The following CABLES1 variants were observed in gnomAD, a reference collection of about 807,000 sequenced individuals.
CABLES1 encodes the protein CDK5 and ABL1 enzyme substrate 1.
In CABLES1, 36 loss-of-function variants were observed where a neutral mutation model predicts 57.8. The observed-to-expected ratio is 0.62, with a 90% CI of 0.48 to 0.82. The LOEUF (loss-of-function observed/expected upper bound fraction) is 0.82. Among genes scored for constraint, CABLES1 ranks in the 40% least tolerant of loss-of-function variants. The probability of loss-of-function intolerance (pLI) is 0.00; values close to 1 mark genes in which losing one functional copy is unlikely to be tolerated. For synonymous variants in CABLES1, 374 were observed against 363.0 expected (o/e 1.03, Z -0.35); for missense variants, 767 against 836.6 (o/e 0.92, Z 1.03).
At chr18:23,212,315 T>TCTG (rs1284307081) in intron 3 of CABLES1, among the ~76,000 whole-genome samples, 1 of 152,246 alleles carries the variant, frequency 6.6e-6, no homozygotes, top group African/African-American at 2.4e-5. Flanking sequence ...TCATGTACTC[T>TCTG]TACAGCATTC....
chr18:23,253,103 C>A (rs1386397501), intron 8 of CABLES1, 37 bp downstream of exon 8: 1 of 1,160,792 alleles, frequency 8.6e-7, no homozygotes, highest in Non-Finnish European at 1.3e-6. Flanking sequence ...CCTTTCCCTG[C>A]AAACCCCTCT....
chr18:23,243,052 C>T lies in CABLES1; in HGVS notation c.1446+5807C>T, dbSNP rs970445620. ...ATATAGATAAGTTATAATTTAATAA[C>T]ATACTCATATATTTATTATAATTTA... On this transcript the variant is annotated intron_variant, in intron 7 of 9. Coordinates refer to ENST00000256925, the MANE Select transcript of CABLES1 (RefSeq NM_001100619.3). 2.0e-5 allele frequency among the ~76,000 whole-genome samples: 3 copies of T among 150,040 alleles called. No homozygotes were observed. In the Admixed American group the frequency reaches 2.0e-4, roughly 10 times the overall value.
intron 4 of CABLES1, among the ~76,000 whole-genome samples, chr18:23,216,039 C>A (rs1182971544): frequency 6.6e-6 from 1 of 152,180 alleles, no homozygotes; most frequent in Non-Finnish European, 1.5e-5. Context: ...CAGGCGTGAG[C>A]CACCACGCCC....
intron 4 of CABLES1, among the ~76,000 whole-genome samples, chr18:23,221,940 C>T (rs1490939969): frequency 2.6e-5 from 4 of 152,212 alleles, no homozygotes; most frequent in African/African-American, 4.8e-5. Context: ...CAGGGAACCA[C>T]GGGTCGCTAA....
In CABLES1 at chr18:23,255,111, G is replaced by A. The variant is rs368440764; in HGVS notation, c.1761+1175G>A. On this transcript the variant is annotated intron_variant, in intron 9 of 9. Coordinates refer to ENST00000256925, the MANE Select transcript of CABLES1 (RefSeq NM_001100619.3). ...GCCTGGCTCTGGGGTGATAAGGGCA[G>A]GTGGATAGTGGCCTGGAGTGTGAGG... Among the ~76,000 whole-genome samples, 40 of 152,294 alleles carry A rather than the reference G, an allele frequency of 2.6e-4. 1 individual carries two copies. In the East Asian group the frequency reaches 4.6e-3, roughly 18 times the overall value.
chr18:23,239,637 A>G (rs1369910332), intron 7 of CABLES1, among the ~76,000 whole-genome samples: 2 of 152,192 alleles, frequency 1.3e-5, no homozygotes, highest in African/African-American at 4.8e-5. Flanking sequence ...GGGAACAGGT[A>G]TAGAATTCGC....
At chr18:23,200,860 T>C (rs1598826357) in intron 3 of CABLES1, among the ~76,000 whole-genome samples, 1 of 152,218 alleles carries the variant, frequency 6.6e-6, no homozygotes, top group Non-Finnish European at 1.5e-5. Flanking sequence ...TTTCTGCAGG[T>C]GGCTGAAATT....
At chr18:23,244,598 C>T (rs981940449) in intron 7 of CABLES1, among the ~76,000 whole-genome samples, 13 of 152,190 alleles carry the variant, frequency 8.5e-5, no homozygotes, top group African/African-American at 2.7e-4. Context: ...TTAACAAGCA[C>T]GGAACAGCTG....
At chr18:23,177,174 C>A (rs1040686820) in intron 1 of CABLES1, among the ~76,000 whole-genome samples, 7 of 152,038 alleles carry the variant, frequency 4.6e-5, no homozygotes, top group African/African-American at 1.7e-4. Flanking sequence ...TCTTCCAAAG[C>A]ACCAGTGAGC....
At chr18:23,256,516 T>C (rs751160565) in intron 9 of CABLES1, among the ~76,000 whole-genome samples, 10 of 152,224 alleles carry the variant, frequency 6.6e-5, no homozygotes, top group Non-Finnish European at 1.0e-4. Context: ...CATCTTGCTT[T>C]GTTGCCCAGG....
intron 4 of CABLES1, among the ~76,000 whole-genome samples, chr18:23,222,145 C>T (rs967595670): frequency 2.6e-5 from 4 of 152,134 alleles, no homozygotes; most frequent in Non-Finnish European, 5.9e-5. Context: ...CTGGCCTTGG[C>T]GTTCCTCTCC....
At chr18:23,153,579 T>C (rs1301383170) in intron 1 of CABLES1, among the ~76,000 whole-genome samples, 1 of 151,602 alleles carries the variant, frequency 6.6e-6, no homozygotes, top group African/African-American at 2.4e-5. Context: ...ACTAGAAATA[T>C]AAATAGTAAC....
At chr18:23,169,864 G>T (rs533674914) in intron 1 of CABLES1, among the ~76,000 whole-genome samples, 2 of 152,272 alleles carry the variant, frequency 1.3e-5, no homozygotes, top group East Asian at 3.9e-4. Flanking sequence ...CTCTCCTGAG[G>T]TTCCTTTGAA....
rs2048230814 is a variant in CABLES1, at chr18:23,258,903, T to G, written c.*1536T>G. The G allele has an allele frequency of 6.6e-6, 1 of 152,098 alleles. No individual in the cohort carries two copies. The highest frequency in any genetic ancestry group is 6.5e-5 in the Admixed American group (1 of 15,268). 9.4% of individuals were successfully genotyped at this position (152,098 alleles called of 1,614,324 possible). A position where few individuals can be genotyped will look rare whatever the true frequency, so the allele number is the denominator to read the frequency against. On this transcript the variant is annotated 3_prime_UTR_variant, in exon 10 of 10. Coordinates refer to ENST00000256925, the MANE Select transcript of CABLES1 (RefSeq NM_001100619.3). The stretch of plus-strand genomic sequence containing the variant: ...GAGGGCCAAAACAGAATACTTGGCT[T>G]CTTCAGAATCTTAGATTGCACTGAG...
chr18:23,137,483 G>C lies in CABLES1; in HGVS notation c.845+876G>C, dbSNP rs183652511. Among the ~76,000 whole-genome samples the C allele has an allele frequency of 4.3e-4, 66 of 152,274 alleles. 1 individual carries two copies. Among genetic ancestry groups the C allele is most frequent in the African/African-American group, 1.4e-3 (58 of 41,548 alleles). ...GGGGAAATGCAGATCCGTTCCTAGG[G>C]AGTGCCCTCCCTTGTTGGTTAATAA... On this transcript the variant is annotated intron_variant, in intron 1 of 9. Transcript: ENST00000256925.
At chr18:23,213,580 T>G (rs2047419842) in intron 3 of CABLES1, among the ~76,000 whole-genome samples, 1 of 152,226 alleles carries the variant, frequency 6.6e-6, no homozygotes, top group South Asian at 2.1e-4. Context: ...GTGCTATTGC[T>G]CTCACATTGT....
intron 1 of CABLES1, among the ~76,000 whole-genome samples, chr18:23,187,059 G>A (rs1383311106): frequency 6.6e-6 from 1 of 152,154 alleles, no homozygotes; most frequent in Non-Finnish European, 1.5e-5. Flanking sequence ...CCTGAGTTAC[G>A]GGGCTGTGCG....
In CABLES1 at chr18:23,253,846, G is replaced by C; in HGVS notation, c.1671G>C (p.Gln557His). 1 of 1,614,218 alleles carries C rather than the reference G, an allele frequency of 6.2e-7. No homozygotes were observed. The highest frequency in any genetic ancestry group is 8.5e-7 in the Non-Finnish European group (1 of 1,180,046). Reference sequence around the variant, plus strand: ...CCCTCAAGGGGAAACTCAACAAACAGAACCGGAAGCTGTGTGCTGGGGCAT... The same window carrying C: ...CCCTCAAGGGGAAACTCAACAAACACAACCGGAAGCTGTGTGCTGGGGCAT... The part of the protein sequence containing the change: ...KLALKGKLNK[Q>H]NRKLCAGACV... Residue 557 changes from glutamine (Q) to histidine (H), a missense_variant, in exon 9 of 10, where the codon CAG (glutamine) becomes CAC (histidine). Physicochemically the swap from Gln to His is conservative, Grantham distance 24. Coordinates refer to ENST00000256925, the MANE Select transcript of CABLES1 (RefSeq NM_001100619.3).
chr18:23,199,076 C>T (rs2047305210), intron 3 of CABLES1, among the ~76,000 whole-genome samples: 1 of 152,174 alleles, frequency 6.6e-6, no homozygotes, highest in South Asian at 2.1e-4. Context: ...AGAAAATTCC[C>T]TCTTGCATTC....
Sources: gnomAD v4.1 joint callset for allele counts (sites outside exome capture counted in the v4.1 genomes callset) on GRCh38, gnomAD v4.1.1 for gene constraint, MANE v1.5 for transcripts, NCBI Gene and HGNC (gene_info 2026-07-23, HGNC 2026-07-21) for gene names.